LEKR1: variants seen among roughly 807,000 people sequenced by gnomAD.
The protein encoded by LEKR1 is leucine, glutamate and lysine rich 1.
LEKR1 carries 59 observed loss-of-function variants against 72.4 expected under a neutral mutation model. That is an observed-to-expected ratio of 0.82 (90% confidence interval 0.66 to 1.01). LEKR1 has a LOEUF of 1.01. Ranked by LOEUF, LEKR1 falls within the 50% of genes least tolerant of loss-of-function variation. LEKR1 has a pLI of 0.00. For synonymous variants in LEKR1, 257 were observed against 263.2 expected (o/e 0.98, Z 0.23); for missense variants, 728 against 759.2 (o/e 0.96, Z 0.48).
intron 5 of LEKR1, among the ~76,000 whole-genome samples, chr3:156,937,543 A>G (rs576556359): frequency 6.6e-6 from 1 of 152,322 alleles, no homozygotes; most frequent in East Asian, 1.9e-4. Context: ...GATCAGAGAA[A>G]CTAGTTTACT....
intron 3 of LEKR1, among the ~76,000 whole-genome samples, chr3:156,899,545 TATACAC>T (rs1166176640): frequency 0.03 from 3,741 of 124,936 alleles, 131 homozygotes; most frequent in African/African-American, 0.051. Context: ...TATATACATA[TATACAC>T]ATATATACAT....
chr3:156,852,524 T>C (rs1715486439), intron 2 of LEKR1, among the ~76,000 whole-genome samples: 1 of 152,178 alleles, frequency 6.6e-6, no homozygotes, highest in African/African-American at 2.4e-5. Context: ...AGTAAATTTT[T>C]CTTAGAGATA....
intron 12 of LEKR1, among the ~76,000 whole-genome samples, chr3:157,043,919 A>G (rs551458221): frequency 1.6e-4 from 25 of 152,324 alleles, no homozygotes; most frequent in African/African-American, 5.8e-4. Context: ...TGACCCAGGA[A>G]TGCAGCTTTT....
chr3:156,954,027 G>A (rs1263407005), intron 6 of LEKR1, among the ~76,000 whole-genome samples: 1 of 151,870 alleles, frequency 6.6e-6, no homozygotes, highest in Non-Finnish European at 1.5e-5. Context: ...GCCAGCATCT[G>A]TTGTTTCTTG....
chr3:156,994,361 G>A (rs1731378426), intron 9 of LEKR1, among the ~76,000 whole-genome samples: 1 of 152,092 alleles, frequency 6.6e-6, no homozygotes, highest in African/African-American at 2.4e-5. Flanking sequence ...AGGCAAGCAG[G>A]AAGTCTGTGT....
At chr3:156,842,250 C>A (rs966638248) in intron 2 of LEKR1, among the ~76,000 whole-genome samples, 2 of 152,042 alleles carry the variant, frequency 1.3e-5, no homozygotes, top group Non-Finnish European at 2.9e-5. Flanking sequence ...GAAACAAAGA[C>A]TTTTTTTCAT....
intron 2 of LEKR1, among the ~76,000 whole-genome samples, chr3:156,845,262 A>G (rs1221720637): frequency 6.6e-6 from 1 of 151,892 alleles, no homozygotes; most frequent in Non-Finnish European, 1.5e-5. Flanking sequence ...GTGGTTTTCA[A>G]ATATTTTCTC....
intron 9 of LEKR1, among the ~76,000 whole-genome samples, chr3:156,995,145 C>T (rs1270645217): frequency 6.6e-6 from 1 of 152,158 alleles, no homozygotes; most frequent in East Asian, 1.9e-4. Context: ...TTTTTCTATG[C>T]TTAATAAATT....
At chr3:156,960,763 A>G (rs1279483473) in intron 6 of LEKR1, among the ~76,000 whole-genome samples, 1 of 152,208 alleles carries the variant, frequency 6.6e-6, no homozygotes, top group Admixed American at 6.5e-5. Context: ...ATGGGCTATC[A>G]ATAGCAACCT....
At chr3:156,914,619 C>T (rs115755656) in intron 3 of LEKR1, among the ~76,000 whole-genome samples, 54 of 152,096 alleles carry the variant, frequency 3.6e-4, no homozygotes, top group African/African-American at 1.0e-3. Context: ...GCTGCAAAGC[C>T]GCTGTCAATT....
intron 12 of LEKR1, among the ~76,000 whole-genome samples, chr3:157,036,269 C>T (rs971659882): frequency 1.3e-5 from 2 of 151,126 alleles, no homozygotes; most frequent in African/African-American, 4.9e-5. Flanking sequence ...GAAAAAAGAA[C>T]AAGAGTGAAT....
chr3:156,838,071 C>T (rs983156933), intron 2 of LEKR1, among the ~76,000 whole-genome samples: 1 of 152,196 alleles, frequency 6.6e-6, no homozygotes, highest in Non-Finnish European at 1.5e-5. Context: ...CCCCGCTTAG[C>T]ATCCAAGTAT....
chr3:156,981,439 A>C (rs375435161), intron 7 of LEKR1, among the ~76,000 whole-genome samples: 10 of 152,248 alleles, frequency 6.6e-5, no homozygotes, highest in African/African-American at 2.4e-4. Flanking sequence ...AATTGCAGAA[A>C]TGCTGATGAT....
At chr3:157,043,250 T>A (rs1735500541) in intron 12 of LEKR1, among the ~76,000 whole-genome samples, 1 of 152,172 alleles carries the variant, frequency 6.6e-6, no homozygotes, top group Non-Finnish European at 1.5e-5. Context: ...CTTTTCTTTA[T>A]AAATTGCCCA....
intron 3 of LEKR1, among the ~76,000 whole-genome samples, chr3:156,867,486 T>C (rs1018832841): frequency 6.6e-6 from 1 of 152,042 alleles, no homozygotes; most frequent in Admixed American, 6.6e-5. Flanking sequence ...GCCATTCCCT[T>C]TTCAGTATTT....
chr3:156,881,829 C>A, intron 3 of LEKR1, among the ~76,000 whole-genome samples: 1 of 132,306 alleles, frequency 7.6e-6, no homozygotes, highest in South Asian at 2.8e-4. Context: ...CAGAACAGAG[C>A]CCTCAGAAAT....
chr3:156,880,389 A>T (rs1254902507), intron 3 of LEKR1, among the ~76,000 whole-genome samples: 1 of 152,262 alleles, frequency 6.6e-6, no homozygotes. Flanking sequence ...CAAATAAACT[A>T]GAAAATCTAG....
At chr3:156,903,858 T>C (rs1722270813) in intron 3 of LEKR1, among the ~76,000 whole-genome samples, 1 of 152,220 alleles carries the variant, frequency 6.6e-6, no homozygotes, top group Non-Finnish European at 1.5e-5. Context: ...TCTGATTGAC[T>C]CAGTGTTGGG....
chr3:156,940,816 A>T (rs974481009), intron 5 of LEKR1, among the ~76,000 whole-genome samples: 2 of 152,166 alleles, frequency 1.3e-5, no homozygotes, highest in Non-Finnish European at 2.9e-5. Context: ...AGTATAGTGT[A>T]TGCTAACAGA....
Sources: allele counts gnomAD v4.1 joint callset (sites outside exome capture counted in the v4.1 genomes callset), GRCh38; gene constraint gnomAD v4.1.1; transcripts MANE v1.5; gene names NCBI Gene and HGNC (gene_info 2026-07-23, HGNC 2026-07-21).